Variants in RARB observed in about 807,000 individuals in gnomAD.
RARB encodes the protein retinoic acid receptor beta.
In RARB, 17 loss-of-function variants were observed where a neutral mutation model predicts 51.9. The ratio of observed to expected loss-of-function variants is 0.33; its 90% CI spans 0.22 to 0.49. The LOEUF (loss-of-function observed/expected upper bound fraction) is 0.49, where lower values mean the gene tolerates loss of function less well. RARB is among the 20% of genes least tolerant of loss of function. The pLI, the probability that RARB is intolerant of heterozygous loss-of-function variation, is 0.99. For synonymous variants in RARB, 215 were observed against 195.4 expected, an observed-to-expected ratio of 1.10 and a Z score of -0.84; for missense variants, 369 against 550.8, an observed-to-expected ratio of 0.67 and a Z score of 3.30.
intron 4 of RARB, among the ~76,000 whole-genome samples, chr3:25,575,210 G>T (rs1182947647): frequency 6.6e-6 from 1 of 152,132 alleles, no homozygotes; most frequent in Non-Finnish European, 1.5e-5. Context: ...TAATGCCGCC[G>T]CTGATCTGAA....
chr3:25,552,988 T>C (rs1000072718), intron 3 of RARB, among the ~76,000 whole-genome samples: 2 of 152,182 alleles, frequency 1.3e-5, no homozygotes, highest in African/African-American at 2.4e-5. Flanking sequence ...TTTTAAGGTA[T>C]GATTTTGTGT....
At chr3:25,092,976 A>T (rs1699225761) in intron 3 of RARB, among the ~76,000 whole-genome samples, 1 of 152,182 alleles carries the variant, frequency 6.6e-6, no homozygotes. Context: ...TTAAATTATG[A>T]TATTCCAATT....
chr3:24,980,066 T>C (rs1575103110), intron 2 of RARB, among the ~76,000 whole-genome samples: 1 of 152,304 alleles, frequency 6.6e-6, no homozygotes, highest in East Asian at 1.9e-4. Context: ...AGGTTGAAAA[T>C]TCTTTTCTTT....
At chr3:25,528,342 C>T (rs190047864) in intron 3 of RARB, among the ~76,000 whole-genome samples, 3 of 152,234 alleles carry the variant, frequency 2.0e-5, no homozygotes, top group Admixed American at 2.0e-4. Flanking sequence ...CTCCTGAGTC[C>T]AGACAGCTTG....
At chr3:25,403,886 T>TAAAAAAAAAAAA (rs546197894) in intron 5 of RARB, among the ~76,000 whole-genome samples, 2 of 88,378 alleles carry the variant, frequency 2.3e-5, no homozygotes, top group African/African-American at 9.6e-5. Flanking sequence ...TTTCTTTTTC[T>TAAAAAAAAAAAA]AAAAAAAAAA....
At chr3:25,405,159 A>G (rs1026310111) in intron 5 of RARB, among the ~76,000 whole-genome samples, 2 of 152,204 alleles carry the variant, frequency 1.3e-5, no homozygotes, top group African/African-American at 4.8e-5. Flanking sequence ...GCAGAGGCCT[A>G]GCATTTAGTG....
intron 3 of RARB, among the ~76,000 whole-genome samples, chr3:25,108,693 A>G (rs1699551351): frequency 6.6e-6 from 1 of 152,170 alleles, no homozygotes; most frequent in Non-Finnish European, 1.5e-5. Context: ...AGAGTTTGTG[A>G]CACTTTTGAC....
chr3:25,549,800 A>G (rs1355370060), intron 3 of RARB, among the ~76,000 whole-genome samples: 1 of 152,066 alleles, frequency 6.6e-6, no homozygotes, highest in African/African-American at 2.4e-5. Context: ...TTTATGAGAC[A>G]TTACCATTCT....
chr3:25,412,125 A>G (rs1054295377), intron 5 of RARB, among the ~76,000 whole-genome samples: 4 of 152,182 alleles, frequency 2.6e-5, no homozygotes, highest in Non-Finnish European at 5.9e-5. Flanking sequence ...CTTGGCTTCT[A>G]ATAAAACTTG....
intron 7 of RARB, 97 bp downstream of exon 7, chr3:25,594,775 C>A: frequency 8.8e-7 from 1 of 1,139,308 alleles, no homozygotes. Context: ...TTAATGGCTG[C>A]TTTTAAAGTC....
intron 2 of RARB, among the ~76,000 whole-genome samples, chr3:25,474,468 T>G (rs1695854688): frequency 6.6e-6 from 1 of 152,210 alleles, no homozygotes; most frequent in Admixed American, 6.5e-5. Context: ...GTATTTTTTT[T>G]TATTTTTCAG....
chr3:24,934,155 G>T (rs1176279565), intron 2 of RARB, among the ~76,000 whole-genome samples: 4 of 152,122 alleles, frequency 2.6e-5, no homozygotes, highest in African/African-American at 9.7e-5. Flanking sequence ...GACTTGTGAA[G>T]TTCAGCTGTG....
At chr3:24,837,386 G>A (rs1702358637) in intron 1 of RARB, among the ~76,000 whole-genome samples, 1 of 152,210 alleles carries the variant, frequency 6.6e-6, no homozygotes, top group Non-Finnish European at 1.5e-5. Context: ...TGACAAAGAA[G>A]ATCCCAAATT....
At chr3:25,066,126 T>G (rs1177906470) in intron 3 of RARB, among the ~76,000 whole-genome samples, 1 of 152,182 alleles carries the variant, frequency 6.6e-6, no homozygotes, top group Non-Finnish European at 1.5e-5. Context: ...CTGCTGCCCT[T>G]TCATTTTAAT....
At chr3:25,368,587 G>A (rs1706203872) in intron 5 of RARB, among the ~76,000 whole-genome samples, 1 of 152,184 alleles carries the variant, frequency 6.6e-6, no homozygotes, top group African/African-American at 2.4e-5. Flanking sequence ...AATTATACAT[G>A]TTTTCACTGA....
At chr3:24,836,625 GC>G (rs982765580) in intron 1 of RARB, among the ~76,000 whole-genome samples, 9 of 152,118 alleles carry the variant, frequency 5.9e-5, no homozygotes, top group African/African-American at 2.2e-4. Context: ...TTATGATCTG[GC>G]CCCTGTTATC....
At chr3:24,976,064 C>A (rs1381006805) in intron 2 of RARB, among the ~76,000 whole-genome samples, 4 of 152,140 alleles carry the variant, frequency 2.6e-5, no homozygotes, top group Non-Finnish European at 5.9e-5. Context: ...ATGATGGTTT[C>A]CAGCTTCATC....
rs1380524672 is a variant in RARB, at chr3:25,031,986, CAG to C, written c.-379-28134_-379-28133del. On this transcript the variant is annotated intron_variant, in intron 2 of 11. Coordinates refer to the RARB transcript ENST00000383772. ...TTAGAGTTGATAATTTATTATTCCT[CAG>C]AGAGTTTGCCTTTATTAAAGCCAGG... Among the ~76,000 whole-genome samples the C allele has an allele frequency of 2.0e-5, 3 of 152,282 alleles. 1 individual carries two copies. Among genetic ancestry groups the C allele is most frequent in the Middle Eastern group, 6.8e-3 (2 of 294 alleles).
chr3:25,426,995 T>G (rs926903089), upstream of RARB, among the ~76,000 whole-genome samples: 7 of 152,220 alleles, frequency 4.6e-5, no homozygotes, highest in Non-Finnish European at 8.8e-5. Flanking sequence ...GGGGCTGGAA[T>G]GAGAGAAAAC....
Sources: gnomAD v4.1 joint callset for allele counts (sites outside exome capture counted in the v4.1 genomes callset) on GRCh38, gnomAD v4.1.1 for gene constraint, MANE v1.5 for transcripts, NCBI Gene and HGNC (gene_info 2026-07-23, HGNC 2026-07-21) for gene names.